Variants in COX7B2 observed in about 807,000 individuals in gnomAD.
COX7B2 encodes the protein cytochrome c oxidase subunit 7B2, mitochondrial.
For missense variants in COX7B2, 109 were observed against 95.9 expected, an observed-to-expected ratio of 1.14 and a Z score of -0.57; for synonymous variants, 37 against 32.1, an observed-to-expected ratio of 1.15 and a Z score of -0.51.
chr4:46,753,288 T>A (rs1715521946), intron 2 of COX7B2, among the ~76,000 whole-genome samples: 1 of 152,104 alleles, frequency 6.6e-6, no homozygotes, highest in African/African-American at 2.4e-5. Flanking sequence ...TTTTATTGCA[T>A]CTATTTGATT....
rs538646371 is a variant in COX7B2, at chr4:46,855,607, C to G, written c.-104-10593G>C. Among the ~76,000 whole-genome samples the G allele has an allele frequency of 5.9e-5, 9 of 151,756 alleles. No individual in the cohort carries two copies. In the East Asian group the frequency reaches 1.7e-3, roughly 30 times the overall value. On this transcript the variant is annotated intron_variant, in intron 1 of 2. Transcript: ENST00000355591. ...AACTATCCATGTATATTGTGATACT[C>G]TGATTTACAGATTGACAAAAAAAAC... is the stretch of plus-strand genomic sequence containing the variant.
At chr4:46,769,313 A>T (rs1716734542) in intron 2 of COX7B2, among the ~76,000 whole-genome samples, 1 of 152,210 alleles carries the variant, frequency 6.6e-6, no homozygotes, top group Non-Finnish European at 1.5e-5. Context: ...ATAGATGCAA[A>T]TATCTTCATC....
intron 1 of COX7B2, among the ~76,000 whole-genome samples, chr4:46,884,581 A>G (rs1577696609): frequency 6.6e-6 from 1 of 152,126 alleles, no homozygotes; most frequent in African/African-American, 2.4e-5. Flanking sequence ...TTTCCCCAAC[A>G]CATTAATGTT....
Position 46,826,807 on chromosome 4 carries a change from T to C in COX7B2, c.-50+18153A>G, listed in dbSNP as rs1336537771. Among the ~76,000 whole-genome samples the C allele has an allele frequency of 3.3e-5, 5 of 152,052 alleles. No individual in the cohort carries two copies. The East Asian group carries it at 9.7e-4, about 29-fold the overall frequency. On this transcript the variant is annotated intron_variant, in intron 2 of 2. Transcript: ENST00000355591. ...TTCTCACGTATAAGTGGAAGTTAAA[T>C]GACAAGAACTTATGAACACAATGAA... is the stretch of plus-strand genomic sequence containing the variant.
chr4:46,739,312 A>T (rs79289868), intron 2 of COX7B2, among the ~76,000 whole-genome samples: 425 of 152,170 alleles, frequency 2.8e-3, no homozygotes, highest in African/African-American at 9.5e-3. Context: ...AACTCTGAGT[A>T]TTGGAAAATG....
At chr4:46,835,122 T>C (rs1715420370) in intron 2 of COX7B2, among the ~76,000 whole-genome samples, 1 of 152,090 alleles carries the variant, frequency 6.6e-6, no homozygotes, top group South Asian at 2.1e-4. Flanking sequence ...ATGATATTGA[T>C]GGGGATGATG....
At chr4:46,895,610 A>G (rs1489344111) in intron 1 of COX7B2, among the ~76,000 whole-genome samples, 1 of 152,176 alleles carries the variant, frequency 6.6e-6, no homozygotes, top group African/African-American at 2.4e-5. Context: ...TTACCTATAT[A>G]ATAAACCTGC....
At chr4:46,820,129 TA>T in intron 2 of COX7B2, among the ~76,000 whole-genome samples, 1 of 152,184 alleles carries the variant, frequency 6.6e-6, no homozygotes, top group East Asian at 1.9e-4. Flanking sequence ...CACTGTAATA[TA>T]TAATGAAATA....
chr4:46,773,038 G>T (rs1414620555), intron 2 of COX7B2, among the ~76,000 whole-genome samples: 1 of 152,106 alleles, frequency 6.6e-6, no homozygotes, highest in Non-Finnish European at 1.5e-5. Flanking sequence ...AAATTAGGTA[G>T]AAAATTTTTA....
intron 2 of COX7B2, among the ~76,000 whole-genome samples, chr4:46,831,354 G>T (rs1488123550): frequency 6.6e-6 from 1 of 152,130 alleles, no homozygotes; most frequent in Non-Finnish European, 1.5e-5. Flanking sequence ...CTCCTGTGCG[G>T]CCCGAGCCTC....
chr4:46,753,604 A>C (rs1261536279), intron 2 of COX7B2, among the ~76,000 whole-genome samples: 1 of 152,096 alleles, frequency 6.6e-6, no homozygotes, highest in African/African-American at 2.4e-5. Flanking sequence ...TAAAACCATA[A>C]AAACCCTAGA....
intron 2 of COX7B2, among the ~76,000 whole-genome samples, chr4:46,786,379 G>A (rs1717754488): frequency 6.6e-6 from 1 of 152,106 alleles, no homozygotes; most frequent in Non-Finnish European, 1.5e-5. Context: ...GTTGATTCCT[G>A]GTTTTTGCTG....
intron 2 of COX7B2, among the ~76,000 whole-genome samples, chr4:46,833,526 A>T (rs1715306594): frequency 6.6e-6 from 1 of 152,190 alleles, no homozygotes; most frequent in South Asian, 2.1e-4. Context: ...ATACTTTTTG[A>T]TGTAAGATTC....
intron 2 of COX7B2, among the ~76,000 whole-genome samples, chr4:46,810,360 CTT>C (rs540488781): frequency 2.8e-4 from 42 of 152,044 alleles, no homozygotes; most frequent in African/African-American, 9.6e-4. Context: ...TTATTTCTCT[CTT>C]GTCATCTACC....
intron 2 of COX7B2, among the ~76,000 whole-genome samples, chr4:46,797,998 A>G (rs1262810479): frequency 2.6e-5 from 4 of 152,282 alleles, no homozygotes; most frequent in East Asian, 3.9e-4. Context: ...CTTAAATTCA[A>G]AGGGATCCTG....
rs879414628 is a variant in COX7B2 at position 46,763,197 on chromosome 4, TATG to T, written c.-49-27959_-49-27957del. On this transcript the variant is annotated intron_variant, in intron 2 of 2. Transcript: ENST00000355591. ...ATTTATATACTGTAAATATATAATA[TATG>T]ATATTATATTTATAATATATATTCA... Among the ~76,000 whole-genome samples, 580 of 137,960 alleles carry T rather than the reference TATG, an allele frequency of 4.2e-3. 2 individuals are homozygous for T. Among genetic ancestry groups the T allele is most frequent in the Non-Finnish European group, 6.5e-3 (424 of 65,378 alleles). 90.5% of individuals were successfully genotyped at this position (137,960 alleles called of 152,430 possible).
At chr4:46,868,412 T>A (rs756476435) in intron 1 of COX7B2, among the ~76,000 whole-genome samples, 1 of 152,216 alleles carries the variant, frequency 6.6e-6, no homozygotes, top group Admixed American at 6.5e-5. Flanking sequence ...TTCTGCTAGC[T>A]TTGAGGTTGA....
intron 2 of COX7B2, among the ~76,000 whole-genome samples, chr4:46,817,864 GT>G (rs1458947707): frequency 6.6e-6 from 1 of 152,130 alleles, no homozygotes; most frequent in Non-Finnish European, 1.5e-5. Flanking sequence ...CTTCAAGCAT[GT>G]TTTTCCCTCA....
intron 1 of COX7B2, among the ~76,000 whole-genome samples, chr4:46,884,458 C>A (rs1291175507): frequency 3.3e-5 from 5 of 152,178 alleles, no homozygotes; most frequent in Non-Finnish European, 2.9e-5. Context: ...TTTGAAGCAA[C>A]AGAAAATATT....
Sources: allele counts gnomAD v4.1 joint callset (sites outside exome capture counted in the v4.1 genomes callset), GRCh38; gene constraint gnomAD v4.1.1; transcripts MANE v1.5; gene names NCBI Gene and HGNC (gene_info 2026-07-23, HGNC 2026-07-21).